ST3GAL2: variants seen among roughly 807,000 people sequenced by gnomAD.
ST3GAL2 encodes the protein CMP-N-acetylneuraminate-beta-galactosamide-alpha-2,3-sialyltransferase 2.
In ST3GAL2, 16 loss-of-function variants were observed where a neutral mutation model predicts 37.5. That is an observed-to-expected ratio of 0.43 (90% confidence interval 0.29 to 0.65). The LOEUF (loss-of-function observed/expected upper bound fraction) is 0.65. ST3GAL2 is among the 30% of genes least tolerant of loss of function. ST3GAL2 has a pLI of 0.17. For synonymous variants in ST3GAL2, 238 were observed against 202.9 expected (o/e 1.17, Z -1.47); for missense variants, 383 against 487.8 (o/e 0.79, Z 2.02).
chr16:70,382,164 CG>C (rs1336701580), intron 6 of ST3GAL2, among the ~76,000 whole-genome samples: 1 of 151,410 alleles, frequency 6.6e-6, no homozygotes, highest in Non-Finnish European at 1.5e-5. Context: ...ACTGGTGGAA[CG>C]GGTTCTCTGA....
intron 2 of ST3GAL2, 59 bp from the exon 3 acceptor site, chr16:70,395,234 G>C: frequency 1.3e-6 from 2 of 1,524,732 alleles, no homozygotes; most frequent in Non-Finnish European, 1.8e-6. Flanking sequence ...GAAGAAGGAG[G>C]GGCCCCGGCC....
intron 1 of ST3GAL2, among the ~76,000 whole-genome samples, chr16:70,404,327 G>C (rs1597565657): frequency 6.6e-6 from 1 of 152,188 alleles, no homozygotes; most frequent in East Asian, 1.9e-4. Flanking sequence ...GGAATTAACA[G>C]TGTCAAGTGT....
In ST3GAL2 at chr16:70,386,187, GTT is replaced by G. The variant is rs1025981000; in HGVS notation, c.713+2178_713+2179del. On this transcript the variant is annotated intron_variant, in intron 4 of 6. Transcript: ENST00000342907. ...AGACGTGCGCCACCACACCCAGCTA[GTT>G]TTTTTTTTTTCTTCCTGAGACGGAG... 5.9e-4 allele frequency among the ~76,000 whole-genome samples: 85 copies of G among 143,324 alleles called. 1 individual carries two copies. The highest frequency in any genetic ancestry group is 2.1e-3 in the African/African-American group (81 of 39,220). The allele number at this position is 143,324 out of a possible 152,430, so 94.0% of individuals were successfully genotyped here. A position where few individuals can be genotyped will look rare whatever the true frequency, so the allele number is the denominator to read the frequency against.
At chr16:70,391,275 C>G (rs547911916) in intron 3 of ST3GAL2, among the ~76,000 whole-genome samples, 1 of 152,310 alleles carries the variant, frequency 6.6e-6, no homozygotes, top group African/African-American at 2.4e-5. Flanking sequence ...TAGAGAACCT[C>G]TGTGTTCCTA....
rs151074246 is a variant in ST3GAL2 at position 70,415,343 on chromosome 16, C to G, written c.-1003-15810G>C. ...TTCCTGAACCCTTATCTAGGCACCA[C>G]AGCAAGTCATCAAACTTACTAGATT... is the stretch of plus-strand genomic sequence containing the variant. On this transcript the variant is annotated intron_variant, in intron 1 of 6. Transcript: ENST00000342907. 5.9e-4 allele frequency among the ~76,000 whole-genome samples: 90 copies of G among 152,330 alleles called. 1 individual carries two copies. The highest frequency in any genetic ancestry group is 2.0e-3 in the African/African-American group (84 of 41,576).
At chr16:70,396,389 G>A (rs959556215) in intron 2 of ST3GAL2, among the ~76,000 whole-genome samples, 2 of 151,764 alleles carry the variant, frequency 1.3e-5, no homozygotes, top group African/African-American at 4.8e-5. Context: ...AGCAGGGCCT[G>A]CTCAGGGGAT....
chr16:70,411,141 T>C (rs1260317014), intron 1 of ST3GAL2, among the ~76,000 whole-genome samples: 1 of 152,058 alleles, frequency 6.6e-6, no homozygotes, highest in African/African-American at 2.4e-5. Flanking sequence ...TCCCAGCGCT[T>C]TGGGAGACTG....
chr16:70,421,290 T>G (rs2047712683), intron 1 of ST3GAL2, among the ~76,000 whole-genome samples: 5 of 152,204 alleles, frequency 3.3e-5, no homozygotes. Flanking sequence ...GCAATATCGC[T>G]GCTGTGAGTA....
intron 1 of ST3GAL2, among the ~76,000 whole-genome samples, chr16:70,401,758 T>G (rs2047556819): frequency 1.3e-5 from 2 of 152,042 alleles, no homozygotes; most frequent in Admixed American, 1.3e-4. Flanking sequence ...TTTGGGAGCC[T>G]GAGGTGGGTG....
At chr16:70,386,975 G>A (rs2047447733) in intron 4 of ST3GAL2, among the ~76,000 whole-genome samples, 1 of 152,244 alleles carries the variant, frequency 6.6e-6, no homozygotes, top group Admixed American at 6.5e-5. Context: ...TTGTGGGGCC[G>A]GGTGTGGTGG....
rs2047537267 is a variant in ST3GAL2 at position 70,399,015 on chromosome 16, A to C, written c.-485T>G. 1 of 409,390 alleles carries C rather than the reference A, an allele frequency of 2.4e-6. No homozygotes were observed. The highest frequency in any genetic ancestry group is 2.0e-5 in the African/African-American group (1 of 48,836). 25.4% of individuals were successfully genotyped at this position (409,390 alleles called of 1,614,324 possible). A position where few individuals can be genotyped will look rare whatever the true frequency, so the allele number is the denominator to read the frequency against. The stretch of plus-strand genomic sequence containing the variant: ...GGGAAGCCCTAGAACTCCAATCACA[A>C]CAGAGAGCACAGGGGCTTCAGGGGA... On this transcript the variant is annotated 5_prime_UTR_variant, in exon 2 of 7. Coordinates refer to ENST00000342907, the MANE Select transcript of ST3GAL2 (RefSeq NM_006927.4).
intron 3 of ST3GAL2, among the ~76,000 whole-genome samples, chr16:70,388,948 A>T (rs909139783): frequency 2.7e-5 from 4 of 150,124 alleles, no homozygotes; most frequent in African/African-American, 9.8e-5. Flanking sequence ...GGTGGCATGT[A>T]CCTGTAATCC....
At chr16:70,402,523 G>A (rs919118336) in intron 1 of ST3GAL2, among the ~76,000 whole-genome samples, 2 of 152,142 alleles carry the variant, frequency 1.3e-5, no homozygotes, top group Non-Finnish European at 2.9e-5. Flanking sequence ...TAATAATAGA[G>A]AAAATCAAGG....
intron 1 of ST3GAL2, among the ~76,000 whole-genome samples, chr16:70,413,003 C>A (rs1455856356): frequency 6.6e-6 from 1 of 152,126 alleles, no homozygotes; most frequent in Admixed American, 6.6e-5. Context: ...AATCCCAGTA[C>A]TTTGGGAGGC....
intron 1 of ST3GAL2, among the ~76,000 whole-genome samples, chr16:70,427,222 C>G (rs1485614574): frequency 6.6e-6 from 1 of 152,104 alleles, no homozygotes; most frequent in East Asian, 1.9e-4. Context: ...TTTCTGGATG[C>G]TATCCTTTAG....
intron 3 of ST3GAL2, among the ~76,000 whole-genome samples, chr16:70,394,695 C>G (rs902031193): frequency 1.3e-5 from 2 of 152,198 alleles, no homozygotes; most frequent in African/African-American, 4.8e-5. Context: ...GGATTTTTCA[C>G]CAAACAATCA....
intron 1 of ST3GAL2, among the ~76,000 whole-genome samples, chr16:70,427,539 G>A (rs927326445): frequency 1.2e-4 from 18 of 151,596 alleles, no homozygotes; most frequent in Admixed American, 9.2e-4. Flanking sequence ...GGGTTTCACC[G>A]TGTTAGCCAG....
intron 1 of ST3GAL2, among the ~76,000 whole-genome samples, chr16:70,413,314 G>A (rs2047652159): frequency 1.3e-5 from 2 of 151,794 alleles, no homozygotes; most frequent in Non-Finnish European, 2.9e-5. Context: ...TACTCGGGAA[G>A]CTGAGGGGGC....
At position 70,425,835 on chromosome 16, in the gene ST3GAL2, G is replaced by A. The variant is rs1229247913; in HGVS notation, c.-1004+13114C>T. ...AGCTCAGAGGCCCACAAGGGCAGAA[G>A]TGGTCCGGGTACTGACGTTCAGGGA... On this transcript the variant is annotated intron_variant, in intron 1 of 6. Coordinates refer to ENST00000342907, the MANE Select transcript of ST3GAL2 (RefSeq NM_006927.4). 5.3e-5 allele frequency among the ~76,000 whole-genome samples: 8 copies of A among 152,250 alleles called. No individual in the cohort carries two copies. In the East Asian group the frequency reaches 1.5e-3, roughly 29 times the overall value.
Sources: gnomAD v4.1 joint callset for allele counts (sites outside exome capture counted in the v4.1 genomes callset) on GRCh38, gnomAD v4.1.1 for gene constraint, MANE v1.5 for transcripts, NCBI Gene and HGNC (gene_info 2026-07-23, HGNC 2026-07-21) for gene names.